GPHN: variants seen among roughly 807,000 people sequenced by gnomAD.
GPHN encodes gephyrin.
A neutral mutation model predicts 95.5 loss-of-function variants in GPHN; 17 were observed. That is an observed-to-expected ratio of 0.18 (90% CI 0.12 to 0.27). GPHN has a LOEUF of 0.27. Among genes scored for constraint, GPHN ranks in the 10% least tolerant of loss-of-function variants. GPHN has a pLI of 1.00. For missense variants in GPHN, 660 were observed against 978.1 expected (o/e 0.67, Z 4.34); for synonymous variants, 320 against 322.5 (o/e 0.99, Z 0.08).
intron 4 of GPHN, among the ~76,000 whole-genome samples, chr14:66,854,588 G>A (rs193128401): frequency 6.6e-4 from 101 of 152,206 alleles, no homozygotes; most frequent in Non-Finnish European, 1.1e-3. Context: ...CTTTTTCATG[G>A]CAATTTTTTG....
At chr14:67,717,044 T>A in the GPHN span, among the ~76,000 whole-genome samples, 6 of 152,208 alleles carry the variant, frequency 3.9e-5, no homozygotes, top group Non-Finnish European at 8.8e-5. Context: ...ATTAACATAC[T>A]TCAAACTAAA....
chr14:67,277,793 C>T, the GPHN span, among the ~76,000 whole-genome samples: 1 of 152,028 alleles, frequency 6.6e-6, no homozygotes, highest in Non-Finnish European at 1.5e-5. Flanking sequence ...TATACATTAA[C>T]TCATGTGAAA....
chr14:66,777,370 T>C (rs2059422983), intron 3 of GPHN, among the ~76,000 whole-genome samples: 1 of 152,154 alleles, frequency 6.6e-6, no homozygotes, highest in South Asian at 2.1e-4. Context: ...CCAGATGGAT[T>C]CACAGCTGAA....
chr14:66,975,800 C>T (rs994761469), intron 9 of GPHN, among the ~76,000 whole-genome samples: 4 of 151,936 alleles, frequency 2.6e-5, no homozygotes, highest in African/African-American at 7.2e-5. Context: ...TGAACCCAGG[C>T]GGTTAAGGCT....
chr14:67,075,133 G>A (rs1028687903), intron 11 of GPHN, among the ~76,000 whole-genome samples: 1 of 152,138 alleles, frequency 6.6e-6, no homozygotes, highest in African/African-American at 2.4e-5. Flanking sequence ...CTCCTGATAG[G>A]GGCTAAAGTA....
chr14:67,296,219 A>G, the GPHN span, among the ~76,000 whole-genome samples: 1 of 152,196 alleles, frequency 6.6e-6, no homozygotes, highest in Non-Finnish European at 1.5e-5. Flanking sequence ...AAGGCATTCC[A>G]TGCTCAAAGG....
At chr14:66,939,843 A>T (rs1436811763) in intron 8 of GPHN, among the ~76,000 whole-genome samples, 2 of 152,230 alleles carry the variant, frequency 1.3e-5, no homozygotes, top group African/African-American at 2.4e-5. Context: ...AGGGTCCCCA[A>T]CAAAAGGGAC....
At chr14:66,944,815 G>A (rs981171622) in intron 8 of GPHN, among the ~76,000 whole-genome samples, 1 of 152,214 alleles carries the variant, frequency 6.6e-6, no homozygotes, top group Admixed American at 6.5e-5. Context: ...GGAGGGGAAG[G>A]CTCCACAGAT....
At chr14:66,945,747 G>A (rs144524915) in intron 8 of GPHN, among the ~76,000 whole-genome samples, 4 of 152,336 alleles carry the variant, frequency 2.6e-5, no homozygotes, top group African/African-American at 7.2e-5. Flanking sequence ...AAAGAAAGCA[G>A]TGTGGACAGG....
At chr14:66,784,197 T>C (rs2153465317) in intron 3 of GPHN, among the ~76,000 whole-genome samples, 1 of 152,012 alleles carries the variant, frequency 6.6e-6, no homozygotes, top group South Asian at 2.1e-4. Flanking sequence ...CAAATGAAAA[T>C]TATAGAACTG....
At chr14:67,279,193 G>A in the GPHN span, 1 of 1,601,366 alleles carries the variant, frequency 6.2e-7, no homozygotes, top group Non-Finnish European at 8.5e-7. Context: ...CATATGAATG[G>A]GCATGTTACA....
chr14:67,323,182 TATA>T, the GPHN span, among the ~76,000 whole-genome samples: 31 of 151,614 alleles, frequency 2.0e-4, 1 homozygote, highest in Admixed American at 1.8e-3. Context: ...ATTATATGTA[TATA>T]ATATGTATTA....
intron 10 of GPHN, among the ~76,000 whole-genome samples, chr14:67,055,813 A>G (rs896107318): frequency 1.3e-5 from 2 of 152,180 alleles, no homozygotes; most frequent in African/African-American, 2.4e-5. Flanking sequence ...GTTCCTTCAG[A>G]TGTTCAGATG....
At chr14:67,516,406 A>G in the GPHN span, among the ~76,000 whole-genome samples, 7 of 151,384 alleles carry the variant, frequency 4.6e-5, no homozygotes, top group African/African-American at 9.7e-5. Flanking sequence ...AGAGGGGGGG[A>G]AATGAGGAGA....
chr14:66,788,801 C>T lies in GPHN; in HGVS notation c.201+12280C>T, dbSNP rs113088704. ...CCTCCCAAGTAGCTGGAATTACAGG[C>T]GCCCGCCACCAGGCCTGGCTAATTT... On this transcript the variant is annotated intron_variant, in intron 3 of 22. Coordinates refer to ENST00000478722, the MANE Select transcript of GPHN (RefSeq NM_020806.5). Among the ~76,000 whole-genome samples, 81 of 152,130 alleles carry T rather than the reference C, an allele frequency of 5.3e-4. 1 individual carries two copies. The highest frequency in any genetic ancestry group is 9.3e-4 in the Non-Finnish European group (63 of 67,980).
chr14:66,682,054 A>C (rs1224499315), intron 2 of GPHN, among the ~76,000 whole-genome samples: 1 of 152,228 alleles, frequency 6.6e-6, no homozygotes, highest in African/African-American at 2.4e-5. Context: ...AAACACAAGA[A>C]TATCTTGAAC....
At chr14:67,183,008 G>A (rs988136352), downstream of GPHN, among the ~76,000 whole-genome samples, 1 of 152,046 alleles carries the variant, frequency 6.6e-6, no homozygotes, top group Non-Finnish European at 1.5e-5. Flanking sequence ...ACCATGCCCA[G>A]CTGATGCTAT....
At chr14:67,088,156 C>CT (rs954784169) in intron 11 of GPHN, among the ~76,000 whole-genome samples, 18 of 150,820 alleles carry the variant, frequency 1.2e-4, no homozygotes, top group East Asian at 3.9e-4. Flanking sequence ...ATATTCCTTC[C>CT]TTTTTTTTTA....
the GPHN span, among the ~76,000 whole-genome samples, chr14:67,251,757 GT>G: frequency 1.3e-5 from 2 of 152,166 alleles, no homozygotes; most frequent in Non-Finnish European, 2.9e-5. Context: ...AGAGTCTTTT[GT>G]TTGAATGAGG....
Sources: allele counts gnomAD v4.1 joint callset (sites outside exome capture counted in the v4.1 genomes callset), GRCh38; gene constraint gnomAD v4.1.1; transcripts MANE v1.5; gene names NCBI Gene and HGNC (gene_info 2026-07-23, HGNC 2026-07-21).